Variants in MTHFD1L observed in about 807,000 individuals in gnomAD.
MTHFD1L encodes methylenetetrahydrofolate dehydrogenase (NADP+ dependent) 1 like, also known as monofunctional C1-tetrahydrofolate synthase, mitochondrial.
MTHFD1L carries 81 observed loss-of-function variants against 119.5 expected under a neutral mutation model. That is an observed-to-expected ratio of 0.68 (90% confidence interval 0.57 to 0.82). MTHFD1L has a LOEUF of 0.82. MTHFD1L is among the 40% of genes least tolerant of loss of function. The probability of loss-of-function intolerance (pLI) is 0.00; values close to 1 mark genes in which losing one functional copy is unlikely to be tolerated. For synonymous variants in MTHFD1L, 430 were observed against 475.2 expected (o/e 0.90, Z 1.24); for missense variants, 1,125 against 1,253.4 (o/e 0.90, Z 1.55).
intron 10 of MTHFD1L, among the ~76,000 whole-genome samples, chr6:150,925,636 A>G (rs1260401636): frequency 6.6e-6 from 1 of 152,212 alleles, no homozygotes; most frequent in Non-Finnish European, 1.5e-5. Flanking sequence ...TAGCATTTCC[A>G]CATTTTTTCT....
chr6:151,084,982 AAAATAT>A lies in MTHFD1L; in HGVS notation c.2848-7483_2848-7478del, dbSNP rs1163789181. 3.9e-4 allele frequency among the ~76,000 whole-genome samples: 50 copies of A among 129,566 alleles called. 2 individuals carry two copies. In the South Asian group the frequency reaches 1.0e-2, roughly 26 times the overall value. The allele number at this position is 129,566 out of a possible 152,430, so 85.0% of individuals were successfully genotyped here. A position where few individuals can be genotyped will look rare whatever the true frequency, so the allele number is the denominator to read the frequency against. ...ACTCCATCTCAAAGAAAAAAAAAAA[AAAATAT>A]ATATATATATATATATGTATATATT... On this transcript the variant is annotated intron_variant, in intron 26 of 27. Transcript: ENST00000367321.
chr6:150,875,981 G>A, intron 1 of MTHFD1L, 109 bp from the exon 2 acceptor site: 1 of 849,448 alleles, frequency 1.2e-6, no homozygotes, highest in South Asian at 1.5e-5. Flanking sequence ...TCCTTCTGTG[G>A]TCTAGTTATT....
chr6:150,926,226 C>T lies in MTHFD1L; in HGVS notation c.1187C>T (p.Ala396Val), dbSNP rs1562392546. The change falls in exon 11 of 28, where the codon GCC becomes GTC. Residue 396 changes from alanine (A) to valine (V), a missense_variant. By Grantham distance (64) the Ala-to-Val change is moderately conservative. Around this residue, in one of 3 missense-constraint regions of MTHFD1L, gnomAD observed 1,058 missense variants for 1,151.2 expected, o/e 0.92. Transcript: ENST00000367321. This position sits in a 1 kb window ranked among gnomAD's most constrained non-coding sequence, Gnocchi z 4.3. ...ATTGAAATCTATGGCAAAAGCAAAG[C>T]CAAAGTACGTTTGTCCGTGCTAGAA... ...DEIEIYGKSK[A>V]KVRLSVLERL... The T allele has an allele frequency of 6.2e-7, 1 of 1,614,052 alleles. No homozygotes were observed. The highest frequency in any genetic ancestry group is 8.5e-7 in the Non-Finnish European group (1 of 1,180,004).
chr6:151,018,145 G>C (rs953610139), intron 24 of MTHFD1L, among the ~76,000 whole-genome samples: 3 of 152,138 alleles, frequency 2.0e-5, no homozygotes, highest in African/African-American at 7.2e-5. Context: ...TTTGTCTTCA[G>C]GGGTAGTGCA....
intron 20 of MTHFD1L, among the ~76,000 whole-genome samples, chr6:150,977,838 G>A (rs1338864641): frequency 2.0e-5 from 3 of 151,802 alleles, no homozygotes; most frequent in Non-Finnish European, 2.9e-5. Flanking sequence ...GATAGACTTC[G>A]ATCTACAACT....
chr6:151,007,214 C>A (rs551661315), intron 20 of MTHFD1L, among the ~76,000 whole-genome samples: 5 of 151,856 alleles, frequency 3.3e-5, no homozygotes, highest in African/African-American at 1.2e-4. Flanking sequence ...GACTCCATCA[C>A]CCCCTCTCTC....
chr6:150,980,611 C>T (rs1433190666), intron 20 of MTHFD1L, among the ~76,000 whole-genome samples: 7 of 150,484 alleles, frequency 4.7e-5, no homozygotes, highest in African/African-American at 1.2e-4. Context: ...GGCATGGTGG[C>T]GCATGCCTAT....
intron 16 of MTHFD1L, among the ~76,000 whole-genome samples, chr6:150,952,718 C>T (rs803465): frequency 0.3 from 45,020 of 151,842 alleles, 7,012 homozygotes; most frequent in South Asian, 0.49. Context: ...TTAGTAGAGA[C>T]GGGGTTTCAT....
chr6:151,011,915 C>T (rs867625584), intron 21 of MTHFD1L, among the ~76,000 whole-genome samples: 2 of 148,100 alleles, frequency 1.4e-5, no homozygotes, highest in South Asian at 4.3e-4. Context: ...GCAAGAGAAT[C>T]GCTTGAACTT....
At chr6:151,063,241 A>G (rs374565927) in intron 26 of MTHFD1L, among the ~76,000 whole-genome samples, 1 of 152,262 alleles carries the variant, frequency 6.6e-6, no homozygotes. Context: ...GCAATATTCT[A>G]AGTTGTCTTG....
At position 150,874,590 on chromosome 6, in the gene MTHFD1L, G is replaced by A. The variant is rs74551761; in HGVS notation, c.228-1500G>A. 6.9e-3 allele frequency among the ~76,000 whole-genome samples: 1,048 copies of A among 152,324 alleles called. 7 individuals are homozygous for A. The highest frequency in any genetic ancestry group is 0.035 in the East Asian group (183 of 5,178). ...AGACTGAAAACAAAATGTAAAGGTG[G>A]TCTTAGCACTGAAGCCTGGGGGCTC... On this transcript the variant is annotated intron_variant, in intron 1 of 27. Transcript: ENST00000367321.
At position 150,918,644 on chromosome 6, in the gene MTHFD1L, C is replaced by G; in HGVS notation, c.960C>G (p.Leu320=). 1 of 1,614,064 alleles carries G rather than the reference C, an allele frequency of 6.2e-7. No individual in the cohort carries two copies. The highest frequency in any genetic ancestry group is 8.5e-7 in the Non-Finnish European group (1 of 1,179,928). Residue 320 remains leucine, a synonymous_variant, in exon 9 of 28, where the codon CTC becomes CTG. Transcript: ENST00000367321. ...GGLIEEDDVI[L]LAAALRIQNM... is the part of the protein sequence containing the mutation. The stretch of plus-strand genomic sequence containing the variant: ...TCATTGAGGAAGATGATGTGATTCT[C>G]CTTGCTGCAGCTCTGCGAATTCAGG...
chr6:151,057,925 C>T lies in MTHFD1L; in HGVS notation c.2847+20808C>T, dbSNP rs1310386170. On this transcript the variant is annotated intron_variant, in intron 26 of 27. Transcript: ENST00000367321. ...TCCCAAGTAGCTGGGATTACAGGCG[C>T]GTGCCACCATGCCCAGCTAATTTTT... is the stretch of plus-strand genomic sequence containing the variant. Among the ~76,000 whole-genome samples, 4 of 152,218 alleles carry T rather than the reference C, an allele frequency of 2.6e-5. 1 individual carries two copies. In the South Asian group the frequency reaches 6.2e-4, roughly 24 times the overall value.
intron 26 of MTHFD1L, among the ~76,000 whole-genome samples, chr6:151,090,745 C>T (rs1254240225): frequency 6.6e-6 from 1 of 152,252 alleles, no homozygotes; most frequent in Non-Finnish European, 1.5e-5. Context: ...GTGTTCTTGG[C>T]CAGGGCCTGT....
At position 151,034,529 on chromosome 6, in the gene MTHFD1L, G is replaced by A. The variant is rs1223599270; in HGVS notation, c.2623G>A (p.Ala875Thr). 1 of 1,611,724 alleles carries A rather than the reference G, an allele frequency of 6.2e-7. No homozygotes were observed. Reference sequence around the variant, plus strand: ...GGACAAGATAAGGACCATTGCTCAGGCTGTCTATGGAGCCAAAGATATTGA... The same window carrying A: ...GGACAAGATAAGGACCATTGCTCAGACTGTCTATGGAGCCAAAGATATTGA... ...IVDKIRTIAQ[A>T]VYGAKDIELS... The change falls in exon 25 of 28, where the codon GCT becomes ACT. Residue 875 changes from alanine (A) to threonine (T), a missense_variant. Physicochemically the swap from Ala to Thr is moderately conservative, Grantham distance 58 (BLOSUM62 0). Around this residue, in one of 3 missense-constraint regions of MTHFD1L, gnomAD observed 1,058 missense variants for 1,151.2 expected, o/e 0.92. Coordinates refer to ENST00000367321, the MANE Select transcript of MTHFD1L (RefSeq NM_015440.5).
intron 26 of MTHFD1L, among the ~76,000 whole-genome samples, chr6:151,049,636 T>G (rs1487218550): frequency 2.8e-5 from 4 of 140,376 alleles, no homozygotes; most frequent in Non-Finnish European, 6.0e-5. Context: ...CACTCCAGCC[T>G]GGGAGACAGA....
At chr6:150,920,670 C>T (rs993867996) in intron 9 of MTHFD1L, among the ~76,000 whole-genome samples, 1 of 152,138 alleles carries the variant, frequency 6.6e-6, no homozygotes, top group Admixed American at 6.5e-5. Flanking sequence ...TTCACGCAGT[C>T]CTATATTTTC....
At chr6:150,951,754 A>G (rs984323282) in intron 16 of MTHFD1L, among the ~76,000 whole-genome samples, 5 of 151,872 alleles carry the variant, frequency 3.3e-5, no homozygotes, top group Admixed American at 3.3e-4. Flanking sequence ...AGGAAGATTT[A>G]TTATTAAAAT....
At chr6:150,900,885 G>C (rs1784995064) in intron 7 of MTHFD1L, among the ~76,000 whole-genome samples, 1 of 151,794 alleles carries the variant, frequency 6.6e-6, no homozygotes, top group South Asian at 2.1e-4. Flanking sequence ...CATGGTGGCA[G>C]GTGCCTGTAG....
Sources: gnomAD v4.1 joint callset for allele counts (sites outside exome capture counted in the v4.1 genomes callset) on GRCh38, gnomAD v4.1.1 for gene constraint, gnomAD v4.1.1 regional missense constraint, Gnocchi (gnomAD v3.1) non-coding constraint, MANE v1.5 for transcripts, NCBI Gene and HGNC (gene_info 2026-07-23, HGNC 2026-07-21) for gene names.